The following BTF3L4 variants were observed in gnomAD, a reference collection of about 807,000 sequenced individuals.
BTF3L4 encodes transcription factor BTF3 homolog 4.
In BTF3L4, 6 loss-of-function variants were observed where a neutral mutation model predicts 16.8. The observed-to-expected ratio is 0.36, with a 90% CI of 0.20 to 0.71. The LOEUF is 0.71. Among genes scored for constraint, BTF3L4 ranks in the 30% least tolerant of loss-of-function variants. The pLI is 0.58. For missense variants in BTF3L4, 92 were observed against 186.9 expected (o/e 0.49, Z 2.96); for synonymous variants, 39 against 59.8 (o/e 0.65, Z 1.60).
At chr1:52,056,593 C>G (rs536644548) in intron 1 of BTF3L4, among the ~76,000 whole-genome samples, 3 of 152,258 alleles carry the variant, frequency 2.0e-5, no homozygotes, top group Non-Finnish European at 4.4e-5. Flanking sequence ...CCACCGCCCC[C>G]TGTGGGAGCG....
At chr1:52,075,497 G>T (rs907958125) in intron 3 of BTF3L4, among the ~76,000 whole-genome samples, 6 of 147,114 alleles carry the variant, frequency 4.1e-5, no homozygotes, top group African/African-American at 1.5e-4. Flanking sequence ...ACTACAGCCT[G>T]CTGGGCAACA....
chr1:52,074,221 T>C (rs932575660), intron 3 of BTF3L4, among the ~76,000 whole-genome samples: 4 of 151,876 alleles, frequency 2.6e-5, no homozygotes, highest in Non-Finnish European at 4.4e-5. Context: ...TTTTTTGAGA[T>C]AGAGTCTCAC....
chr1:52,080,531 T>TGGG (rs1643908278), intron 3 of BTF3L4, among the ~76,000 whole-genome samples: 1 of 121,218 alleles, frequency 8.2e-6, no homozygotes, highest in Non-Finnish European at 1.7e-5. Context: ...TTTTTTTTTT[T>TGGG]TTTTTTTTTT....
At position 52,062,188 on chromosome 1, in the gene BTF3L4, C is replaced by T. The variant is rs535494857; in HGVS notation, c.54+2287C>T. Among the ~76,000 whole-genome samples, 7 of 148,000 alleles carry T rather than the reference C, an allele frequency of 4.7e-5. No individual in the cohort carries two copies. In the East Asian group the frequency reaches 6.0e-4, roughly 13 times the overall value. On this transcript the variant is annotated intron_variant, in intron 2 of 5. Coordinates refer to ENST00000313334, the MANE Select transcript of BTF3L4 (RefSeq NM_152265.5). ...TTGATCTCCTGACCTCGTGATCGCC[C>T]GCCTCGGCCTTTTTTTTTTTTTTTT...
chr1:52,072,140 C>T (rs1216019735), intron 3 of BTF3L4, among the ~76,000 whole-genome samples: 3 of 151,182 alleles, frequency 2.0e-5, no homozygotes, highest in South Asian at 2.1e-4. Flanking sequence ...CTGCAAGCTC[C>T]GCCTCCTGTG....
chr1:52,067,371 A>G (rs891668567), intron 3 of BTF3L4, among the ~76,000 whole-genome samples: 5 of 152,246 alleles, frequency 3.3e-5, no homozygotes, highest in Non-Finnish European at 4.4e-5. Context: ...TTGTACATTG[A>G]AAATCAGTGT....
At chr1:52,076,339 G>C (rs1686931923) in intron 3 of BTF3L4, among the ~76,000 whole-genome samples, 1 of 151,702 alleles carries the variant, frequency 6.6e-6, no homozygotes, top group Admixed American at 6.6e-5. Flanking sequence ...ACTTTGGGAG[G>C]CTGAGGCGGG....
At chr1:52,079,669 C>T (rs558094190) in intron 3 of BTF3L4, among the ~76,000 whole-genome samples, 2 of 152,016 alleles carry the variant, frequency 1.3e-5, no homozygotes, top group Non-Finnish European at 2.9e-5. Flanking sequence ...AGAAGAGAAA[C>T]TTGAACATAA....
chr1:52,079,835 C>CTCA (rs929122191), intron 3 of BTF3L4, among the ~76,000 whole-genome samples: 1 of 149,868 alleles, frequency 6.7e-6, no homozygotes, highest in Non-Finnish European at 1.5e-5. Flanking sequence ...CTGACAAGCT[C>CTCA]TCATGAGGCC....
intron 3 of BTF3L4, among the ~76,000 whole-genome samples, chr1:52,067,659 G>T (rs912281343): frequency 3.3e-5 from 5 of 152,130 alleles, no homozygotes; most frequent in African/African-American, 1.2e-4. Flanking sequence ...TGGTAAAAAT[G>T]AATAAGTTGC....
chr1:52,085,462 G>GA (rs998439090), intron 4 of BTF3L4, among the ~76,000 whole-genome samples: 18 of 151,636 alleles, frequency 1.2e-4, no homozygotes, highest in South Asian at 2.1e-4. Flanking sequence ...ATACCTGGCT[G>GA]AAAAAAACCT....
chr1:52,062,951 A>G lies in BTF3L4; in HGVS notation c.55-1874A>G, dbSNP rs139040039. On this transcript the variant is annotated intron_variant, in intron 2 of 5. Coordinates refer to ENST00000313334, the MANE Select transcript of BTF3L4 (RefSeq NM_152265.5). Reference sequence around the variant, plus strand: ...GCAGCTCACAACGGTTCGCCCTCCTATGAGAATCTAATGCTGCCGCTGATC... The same window carrying G: ...GCAGCTCACAACGGTTCGCCCTCCTGTGAGAATCTAATGCTGCCGCTGATC... 7.6e-3 allele frequency among the ~76,000 whole-genome samples: 1,160 copies of G among 152,194 alleles called. 15 individuals carry two copies. Among genetic ancestry groups the G allele is most frequent in the African/African-American group, 0.026 (1,090 of 41,528 alleles).
rs115877258 is a variant in BTF3L4 at position 52,059,180 on chromosome 1, A to G, written c.-13-655A>G. Reference sequence around the variant, plus strand: ...AATGTCTTGACAAGTATAACATACTATATCAGTGCAGGGTATTGAATGAAC... The same window carrying G: ...AATGTCTTGACAAGTATAACATACTGTATCAGTGCAGGGTATTGAATGAAC... On this transcript the variant is annotated intron_variant, in intron 1 of 5. Coordinates refer to ENST00000313334, the MANE Select transcript of BTF3L4 (RefSeq NM_152265.5). Among the ~76,000 whole-genome samples, 249 of 152,282 alleles carry G rather than the reference A, an allele frequency of 1.6e-3. 2 individuals are homozygous for G. Among genetic ancestry groups the G allele is most frequent in the Middle Eastern group, 6.8e-3 (2 of 294 alleles).
At chr1:52,061,335 A>G (rs1172845382) in intron 2 of BTF3L4, among the ~76,000 whole-genome samples, 1 of 151,894 alleles carries the variant, frequency 6.6e-6, no homozygotes, top group Non-Finnish European at 1.5e-5. Context: ...CTAAAAGTAC[A>G]AAAATAGCCT....
Position 52,086,842 on chromosome 1 carries a change from CACCTG to C in BTF3L4, c.*85_*89del. ...AAAGTTTTACAGACATGGAGAACAT[CACCTG>C]TTACTAGTTCAGTAATATAAATATT... is the stretch of plus-strand genomic sequence containing the variant. On this transcript the variant is annotated 3_prime_UTR_variant, in exon 6 of 6. Transcript: ENST00000313334. The C allele has an allele frequency of 1.4e-6, 1 of 737,588 alleles. No individual in the cohort carries two copies. Among genetic ancestry groups the C allele is most frequent in the Non-Finnish European group, 2.3e-6 (1 of 440,580 alleles). 45.7% of individuals were successfully genotyped at this position (737,588 alleles called of 1,614,324 possible).
rs1474512055 is a variant in BTF3L4, at chr1:52,087,970, G to A, written c.*1212G>A. 6.6e-6 allele frequency: 1 copy of A among 152,592 alleles called. No homozygotes were observed. The highest frequency in any genetic ancestry group is 1.5e-5 in the Non-Finnish European group (1 of 68,038). The allele number at this position is 152,592 out of a possible 1,614,324, so 9.5% of individuals were successfully genotyped here. ...TGCTTAGAATAATGCTTTGAGGGGA[G>A]CACTGGTAAAACACAGTATTTATTT... On this transcript the variant is annotated 3_prime_UTR_variant, in exon 6 of 6. Coordinates refer to ENST00000313334, the MANE Select transcript of BTF3L4 (RefSeq NM_152265.5).
At position 52,090,177 on chromosome 1, in the gene BTF3L4, A is replaced by C. The variant is rs1253890149; in HGVS notation, c.*3419A>C. The C allele has an allele frequency of 1.3e-5, 2 of 152,190 alleles. No homozygotes were observed. Among genetic ancestry groups the C allele is most frequent in the Non-Finnish European group, 2.9e-5 (2 of 68,038 alleles). 9.4% of individuals were successfully genotyped at this position (152,190 alleles called of 1,614,324 possible). On this transcript the variant is annotated 3_prime_UTR_variant, in exon 6 of 6. Coordinates refer to ENST00000313334, the MANE Select transcript of BTF3L4 (RefSeq NM_152265.5). ...GTCATTTTCATAGACTGCAGTGTGA[A>C]TAGTGTCCTCCATTAATAATGCAAT...
chr1:52,060,228 T>G (rs898690401), intron 2 of BTF3L4, among the ~76,000 whole-genome samples: 2 of 152,224 alleles, frequency 1.3e-5, no homozygotes, highest in African/African-American at 2.4e-5. Context: ...GTTTAAAGAT[T>G]AGGGTAATAT....
chr1:52,069,820 A>G (rs1298817125), intron 3 of BTF3L4, among the ~76,000 whole-genome samples: 1 of 152,112 alleles, frequency 6.6e-6, no homozygotes, highest in African/African-American at 2.4e-5. Context: ...CTAATTTTCT[A>G]CTGTCAGTAC....
Sources: allele counts gnomAD v4.1 joint callset (sites outside exome capture counted in the v4.1 genomes callset), GRCh38; gene constraint gnomAD v4.1.1; transcripts MANE v1.5; gene names NCBI Gene and HGNC (gene_info 2026-07-23, HGNC 2026-07-21).